The following ARID2 variants were observed in gnomAD, a reference collection of about 807,000 sequenced individuals.
ARID2 encodes AT-rich interaction domain 2.
Under a neutral mutation model 184.6 loss-of-function variants are expected in ARID2, and 32 were observed. The ratio of observed to expected loss-of-function variants is 0.17; its 90% CI spans 0.13 to 0.23. ARID2 has a LOEUF of 0.23. Among genes scored for constraint, ARID2 ranks in the 10% least tolerant of loss-of-function variants. ARID2 has a pLI of 1.00. For missense variants in ARID2, 1,696 were observed against 2,197.6 expected (o/e 0.77, Z 4.56); for synonymous variants, 836 against 772.6 (o/e 1.08, Z -1.36).
chr12:45,798,365 C>T (rs374102373), intron 3 of ARID2, among the ~76,000 whole-genome samples: 2 of 152,118 alleles, frequency 1.3e-5, no homozygotes, highest in East Asian at 3.8e-4. Flanking sequence ...TCAGTCTTGG[C>T]TAATTTCAGA....
intron 16 of ARID2, among the ~76,000 whole-genome samples, chr12:45,869,821 T>G (rs1049538332): frequency 3.3e-5 from 5 of 151,926 alleles, no homozygotes; most frequent in Non-Finnish European, 7.4e-5. Context: ...AGGTGGAGGT[T>G]GCAGTGAGCT....
intron 3 of ARID2, among the ~76,000 whole-genome samples, chr12:45,804,240 A>G (rs1350343193): frequency 6.6e-6 from 1 of 152,176 alleles, no homozygotes; most frequent in Non-Finnish European, 1.5e-5. Context: ...CAAAAGTAGA[A>G]GTATTCTGAG....
At position 45,860,867 on chromosome 12, in the gene ARID2, C is replaced by G. The variant is rs142859254; in HGVS notation, c.4840C>G (p.Pro1614Ala). ...CCAGCCTAACAGTTCTCAGCCTTCTCCATTCAGTGGATCCAGTCAGCCTGG... is the reference window on the plus strand; with the variant it reads ...CCAGCCTAACAGTTCTCAGCCTTCTGCATTCAGTGGATCCAGTCAGCCTGG... ...QGQPNSSQPS[P>A]FSGSSQPGDP... Residue 1614 changes from proline to alanine, a missense_variant, in exon 16 of 21, where the codon CCA becomes GCA. Transcript: ENST00000334344. 4.2e-5 allele frequency: 67 copies of G among 1,608,752 alleles called. No homozygotes were observed. Among genetic ancestry groups the G allele is most frequent in the Non-Finnish European group, 7.6e-6 (9 of 1,177,522 alleles).
chr12:45,843,444 C>T (rs1356167732), intron 11 of ARID2, among the ~76,000 whole-genome samples: 1 of 151,354 alleles, frequency 6.6e-6, no homozygotes, highest in Non-Finnish European at 1.5e-5. Flanking sequence ...CAGCTCACTG[C>T]AACTTCTACC....
At chr12:45,848,279 T>C (rs933333480) in intron 12 of ARID2, among the ~76,000 whole-genome samples, 8 of 152,040 alleles carry the variant, frequency 5.3e-5, no homozygotes, top group Non-Finnish European at 1.2e-4. Context: ...AATTAGTTTG[T>C]AATGGATTAC....
rs150428186 is a variant in ARID2, at chr12:45,746,969, C to T, written c.284+15655C>T. On this transcript the variant is annotated intron_variant, in intron 3 of 20. Transcript: ENST00000334344. ...TATTTTAGGTAGAGATGGGGTTTCA[C>T]CGTGTTAGCCAGGATGTTCTCGAAC... Among the ~76,000 whole-genome samples the T allele has an allele frequency of 5.5e-3, 832 of 152,148 alleles. 7 individuals carry two copies. The highest frequency in any genetic ancestry group is 0.019 in the African/African-American group (793 of 41,510).
At chr12:45,751,547 G>A (rs1941465465) in intron 3 of ARID2, among the ~76,000 whole-genome samples, 1 of 152,220 alleles carries the variant, frequency 6.6e-6, no homozygotes, top group African/African-American at 2.4e-5. Flanking sequence ...AAAGAGTCTT[G>A]ATAGAAGGCT....
chr12:45,741,139 A>C (rs758298868), intron 3 of ARID2, among the ~76,000 whole-genome samples: 10 of 152,184 alleles, frequency 6.6e-5, no homozygotes, highest in Non-Finnish European at 1.5e-4. Flanking sequence ...ATCAGTTATT[A>C]ATATGATACA....
In ARID2 at chr12:45,731,198, T is replaced by A; in HGVS notation, c.187-19T>A. On this transcript the variant is annotated intron_variant, in intron 2 of 20. Coordinates refer to ENST00000334344, the MANE Select transcript of ARID2 (RefSeq NM_152641.4). ...CTTAGATTGTTCACGTTCAGACAAC[T>A]GTGCCTGTGTTTTACCAGGTTTCTG... The A allele has an allele frequency of 6.4e-7, 1 of 1,553,088 alleles. No homozygotes were observed. Among genetic ancestry groups the A allele is most frequent in the Non-Finnish European group, 8.9e-7 (1 of 1,124,294 alleles).
At chr12:45,878,771 G>GC (rs1944052354) in intron 16 of ARID2, among the ~76,000 whole-genome samples, 3 of 152,080 alleles carry the variant, frequency 2.0e-5, no homozygotes, top group Admixed American at 2.0e-4. Flanking sequence ...GTGGTGGTGG[G>GC]CGGGGGTTGT....
intron 20 of ARID2, among the ~76,000 whole-genome samples, chr12:45,899,778 A>T (rs1402586845): frequency 1.0e-5 from 1 of 95,712 alleles, no homozygotes; most frequent in African/African-American, 3.5e-5. Context: ...TCCCTACTTT[A>T]CCCCCCCCTC....
intron 3 of ARID2, among the ~76,000 whole-genome samples, chr12:45,738,357 C>G (rs1941172256): frequency 6.6e-6 from 1 of 152,150 alleles, no homozygotes. Context: ...CTCTGTCACT[C>G]AGGCTGGAGT....
chr12:45,744,759 T>C (rs1941325062), intron 3 of ARID2, among the ~76,000 whole-genome samples: 1 of 152,176 alleles, frequency 6.6e-6, no homozygotes, highest in Non-Finnish European at 1.5e-5. Flanking sequence ...AAAAGCAAAT[T>C]TGTACTTTAA....
intron 15 of ARID2, among the ~76,000 whole-genome samples, chr12:45,856,293 T>C (rs1943648956): frequency 6.6e-6 from 1 of 150,738 alleles, no homozygotes; most frequent in African/African-American, 2.4e-5. Flanking sequence ...GGTCTCAAGC[T>C]CCTGACCTCG....
chr12:45,831,307 TATGTC>T (rs1350233793), intron 6 of ARID2, among the ~76,000 whole-genome samples: 2 of 152,184 alleles, frequency 1.3e-5, no homozygotes, highest in African/African-American at 4.8e-5. Flanking sequence ...ACCAATTTGA[TATGTC>T]ATGCGTTCAT....
At chr12:45,848,257 A>G (rs1214084176) in intron 12 of ARID2, among the ~76,000 whole-genome samples, 1 of 152,098 alleles carries the variant, frequency 6.6e-6, no homozygotes, top group African/African-American at 2.4e-5. Flanking sequence ...GAAAAAGACA[A>G]AATGAGGTTT....
chr12:45,849,861 G>A (rs1000968832), intron 14 of ARID2, 85 bp downstream of exon 14: 8 of 1,437,178 alleles, frequency 5.6e-6, no homozygotes, highest in African/African-American at 2.9e-5. Flanking sequence ...CATTTTAAAT[G>A]TATAACTTTT....
At chr12:45,740,834 A>G (rs555641164) in intron 3 of ARID2, among the ~76,000 whole-genome samples, 4 of 152,270 alleles carry the variant, frequency 2.6e-5, no homozygotes, top group African/African-American at 9.6e-5. Flanking sequence ...AAAGTACTAT[A>G]AAGTTTGGAG....
rs1944334700 is a variant in ARID2 at position 45,893,799 on chromosome 12, CTG to C, written c.5363+80_5363+81del. 7.5e-6 allele frequency: 9 copies of C among 1,197,720 alleles called. No homozygotes were observed. In the South Asian group the frequency reaches 1.5e-4, roughly 19 times the overall value. The allele number at this position is 1,197,720 out of a possible 1,614,324, so 74.2% of individuals were successfully genotyped here. On this transcript the variant is annotated intron_variant, in intron 20 of 20. Transcript: ENST00000334344. Reference sequence around the variant, plus strand: ...CATATAAGTTAATAAAATTAGATAACTGTATTTTCTTCATTGTTTTTCTCATC... The same window carrying C: ...CATATAAGTTAATAAAATTAGATAACTATTTTCTTCATTGTTTTTCTCATC...
Sources: allele counts gnomAD v4.1 joint callset (sites outside exome capture counted in the v4.1 genomes callset), GRCh38; gene constraint gnomAD v4.1.1; transcripts MANE v1.5; gene names NCBI Gene and HGNC (gene_info 2026-07-23, HGNC 2026-07-21).